Variants in KIRREL3 observed in about 807,000 individuals in gnomAD.
KIRREL3 encodes the protein kin of IRRE-like protein 3.
KIRREL3 carries 36 observed loss-of-function variants against 89.7 expected under a neutral mutation model. The ratio of observed to expected loss-of-function variants is 0.40; its 90% CI spans 0.31 to 0.53. The LOEUF (loss-of-function observed/expected upper bound fraction) is 0.53. Among genes scored for constraint, KIRREL3 ranks in the 20% least tolerant of loss-of-function variants. The probability of loss-of-function intolerance (pLI) is 0.49; values close to 1 mark genes in which losing one functional copy is unlikely to be tolerated. For synonymous variants in KIRREL3, 445 were observed against 441.4 expected, an observed-to-expected ratio of 1.01 and a Z score of -0.10; for missense variants, 864 against 1,056.6, an observed-to-expected ratio of 0.82 and a Z score of 2.53.
intron 1 of KIRREL3, among the ~76,000 whole-genome samples, chr11:126,756,360 T>C (rs1391040814): frequency 6.6e-6 from 1 of 152,224 alleles, no homozygotes; most frequent in Non-Finnish European, 1.5e-5. Context: ...AATGTCTTCA[T>C]TGTGTTGTAT....
chr11:126,822,581 A>T, intron 1 of KIRREL3, among the ~76,000 whole-genome samples: 1 of 152,184 alleles, frequency 6.6e-6, no homozygotes, highest in South Asian at 2.1e-4. Context: ...ACAACAAACT[A>T]CCCCAAAACT....
At chr11:126,649,029 G>A (rs1340660197) in intron 1 of KIRREL3, among the ~76,000 whole-genome samples, 1 of 152,138 alleles carries the variant, frequency 6.6e-6, no homozygotes, top group Non-Finnish European at 1.5e-5. Flanking sequence ...GAGGTGAAAG[G>A]CACTTCTTAA....
At chr11:126,539,502 G>A (rs905668840) in intron 2 of KIRREL3, among the ~76,000 whole-genome samples, 1 of 152,214 alleles carries the variant, frequency 6.6e-6, no homozygotes, top group East Asian at 1.9e-4. Flanking sequence ...TGATCAGCAA[G>A]GTTTTGCTGT....
intron 1 of KIRREL3, among the ~76,000 whole-genome samples, chr11:126,986,575 C>T (rs1212376940): frequency 1.3e-5 from 2 of 152,186 alleles, no homozygotes; most frequent in Non-Finnish European, 2.9e-5. Context: ...TATGACATTG[C>T]TTCCCTGGGT....
At position 126,459,329 on chromosome 11, in the gene KIRREL3, C is replaced by T. The variant is rs147870566; in HGVS notation, c.743-2875G>A. 3.3e-5 allele frequency among the ~76,000 whole-genome samples: 5 copies of T among 152,298 alleles called. No homozygotes were observed. In the East Asian group the frequency reaches 5.8e-4, roughly 18 times the overall value. On this transcript the variant is annotated intron_variant, in intron 6 of 16. Transcript: ENST00000525144. This position sits in a 1 kb window ranked among gnomAD's most constrained non-coding sequence, Gnocchi z 4.8. The stretch of plus-strand genomic sequence containing the variant: ...CTTCCTGCTGCCCGATGCCTCATCA[C>T]GCCCCTGCCATGATCAGCTCACTCG...
chr11:126,532,863 A>G lies in KIRREL3; in HGVS notation c.134-6176T>C, dbSNP rs977426500. Among the ~76,000 whole-genome samples the G allele has an allele frequency of 2.0e-4, 31 of 151,946 alleles. 2 individuals are homozygous for G. Among genetic ancestry groups the G allele is most frequent in the Non-Finnish European group, 1.5e-5 (1 of 68,008 alleles). On this transcript the variant is annotated intron_variant, in intron 2 of 16. Transcript: ENST00000525144. ...GGAGGTGTACTAGTTACCATTACTT[A>G]TAATTATTACTTAAAATGGCTATTT...
intron 11 of KIRREL3, among the ~76,000 whole-genome samples, chr11:126,437,847 C>T (rs1955417207): frequency 6.6e-6 from 1 of 152,172 alleles, no homozygotes; most frequent in African/African-American, 2.4e-5. Context: ...ATTCGCCATA[C>T]ACACCATCAT....
At chr11:126,529,484 G>C (rs548528858) in intron 2 of KIRREL3, among the ~76,000 whole-genome samples, 8 of 152,036 alleles carry the variant, frequency 5.3e-5, no homozygotes, top group Admixed American at 2.0e-4. Context: ...GGCCTTTTGA[G>C]GGGGAGCATC....
rs1480761643 is a variant in KIRREL3 at position 126,515,776 on chromosome 11, T to C, written c.433+5539A>G. 6.6e-6 allele frequency among the ~76,000 whole-genome samples: 1 copy of C among 152,134 alleles called. No homozygotes were observed. The highest frequency in any genetic ancestry group is 2.4e-5 in the African/African-American group (1 of 41,448). On this transcript the variant is annotated intron_variant, in intron 4 of 16. Coordinates refer to ENST00000525144, the MANE Select transcript of KIRREL3 (RefSeq NM_032531.4). This position sits in a 1 kb window ranked among gnomAD's most constrained non-coding sequence, Gnocchi z 4.2. ...GGCAGGGAGCTTGGGTTTTGTTCTG[T>C]GGGGACACTTTCTCGCCCCTGAAGA...
rs1487622812 is a variant in KIRREL3, at chr11:126,755,992, T to C, written c.56-193080A>G. On this transcript the variant is annotated intron_variant, in intron 1 of 16. Coordinates refer to ENST00000525144, the MANE Select transcript of KIRREL3 (RefSeq NM_032531.4). This position sits in a 1 kb window ranked among gnomAD's most constrained non-coding sequence, Gnocchi z 4.3. ...TATCTTGATATAAGAACAGGTATCA[T>C]TAATTGACTAGCAATGGAATGGGAG... Among the ~76,000 whole-genome samples, 1 of 152,190 alleles carries C rather than the reference T, an allele frequency of 6.6e-6. No homozygotes were observed. Among genetic ancestry groups the C allele is most frequent in the African/African-American group, 2.4e-5 (1 of 41,450 alleles).
rs1244418345 is a variant in KIRREL3, at chr11:126,424,791, C to T, written c.2126G>A (p.Arg709Gln). ...MGSSSIELCE[R>Q]EFQRGSLSDS... The stretch of plus-strand genomic sequence containing the variant: ...GCTGAGGGAGCCTCTCTGGAACTCC[C>T]GCTCACAAAGCTCGATGGACGAGCT... The change falls in exon 17 of 17, where the codon CGG becomes CAG. Residue 709 changes from arginine (R) to glutamine (Q), a missense_variant. By Grantham distance (43) the Arg-to-Gln change is conservative. Transcript: ENST00000525144. 12 of 1,613,938 alleles carry T rather than the reference C, an allele frequency of 7.4e-6. No homozygotes were observed. The highest frequency in any genetic ancestry group is 1.7e-5 in the Admixed American group (1 of 60,014).
In KIRREL3 at chr11:126,669,301, G is replaced by A. The variant is rs117576783; in HGVS notation, c.56-106389C>T. Among the ~76,000 whole-genome samples, 3 of 152,210 alleles carry A rather than the reference G, an allele frequency of 2.0e-5. No individual in the cohort carries two copies. Among genetic ancestry groups the A allele is most frequent in the East Asian group, 1.9e-4 (1 of 5,180 alleles). The stretch of plus-strand genomic sequence containing the variant: ...GCACTGAGTGAAGTTTTCCTTCAGC[G>A]TATTTCAAACACGTGCAAGATCTTC... On this transcript the variant is annotated intron_variant, in intron 1 of 16. Transcript: ENST00000525144. This position sits in a 1 kb window ranked among gnomAD's most constrained non-coding sequence, Gnocchi z 5.0.
rs1949977301 is a variant in KIRREL3, at chr11:126,989,949, A to C, written c.55+10506T>G. On this transcript the variant is annotated intron_variant, in intron 1 of 16. Transcript: ENST00000525144. This position sits in a 1 kb window ranked among gnomAD's most constrained non-coding sequence, Gnocchi z 6.2. ...CAGCCTGCCCAGGAGATCAGGAATA[A>C]TGAAGCCTCATTTTAGCATCTGTTT... Among the ~76,000 whole-genome samples, 1 of 152,230 alleles carries C rather than the reference A, an allele frequency of 6.6e-6. No homozygotes were observed.
chr11:126,735,409 T>C (rs1317058034), intron 1 of KIRREL3, among the ~76,000 whole-genome samples: 2 of 152,098 alleles, frequency 1.3e-5, no homozygotes, highest in African/African-American at 4.8e-5. Context: ...AAAGAGAGCT[T>C]CCACCGGCCC....
At chr11:126,774,164 C>CTTTTT (rs5795521) in intron 1 of KIRREL3, among the ~76,000 whole-genome samples, 238 of 137,138 alleles carry the variant, frequency 1.7e-3, no homozygotes, top group African/African-American at 6.2e-3. Context: ...GAGAGTAAAG[C>CTTTTT]TTTTTTTTTT....
chr11:126,683,454 C>G lies in KIRREL3; in HGVS notation c.56-120542G>C, dbSNP rs1340616331. On this transcript the variant is annotated intron_variant, in intron 1 of 16. Transcript: ENST00000525144. The surrounding 1 kb of genome is among the most constrained non-coding windows in gnomAD (Gnocchi z 5.2). ...TCTGAGAAATGGGTCTGGGCATCCA[C>G]TGCTTTCACCGAGGGTCTCTGCATG... 6.6e-6 allele frequency among the ~76,000 whole-genome samples: 1 copy of G among 152,220 alleles called. No individual in the cohort carries two copies. Among genetic ancestry groups the G allele is most frequent in the African/African-American group, 2.4e-5 (1 of 41,458 alleles).
intron 1 of KIRREL3, among the ~76,000 whole-genome samples, chr11:126,922,335 C>T (rs1947384196): frequency 6.6e-6 from 1 of 152,044 alleles, no homozygotes; most frequent in Non-Finnish European, 1.5e-5. Context: ...TGAATCAAAC[C>T]TTCTCCACTT....
rs760987273 is a variant in KIRREL3, at chr11:126,669,623, G to C, written c.56-106711C>G. On this transcript the variant is annotated intron_variant, in intron 1 of 16. Coordinates refer to ENST00000525144, the MANE Select transcript of KIRREL3 (RefSeq NM_032531.4). This position sits in a 1 kb window ranked among gnomAD's most constrained non-coding sequence, Gnocchi z 5.0. The stretch of plus-strand genomic sequence containing the variant: ...GGTTGACTCATTCAAGCCCTCCCAC[G>C]AGTCAGATTACCCAGTCAGCCAGTA... 3.3e-5 allele frequency among the ~76,000 whole-genome samples: 5 copies of C among 152,106 alleles called. No individual in the cohort carries two copies. The highest frequency in any genetic ancestry group is 1.2e-4 in the African/African-American group (5 of 41,406).
rs893255610 is a variant in KIRREL3, at chr11:126,744,612, G to A, written c.56-181700C>T. 2.0e-5 allele frequency among the ~76,000 whole-genome samples: 3 copies of A among 152,230 alleles called. No individual in the cohort carries two copies. The highest frequency in any genetic ancestry group is 7.2e-5 in the African/African-American group (3 of 41,468). The stretch of plus-strand genomic sequence containing the variant: ...ACAGACAGAGCCACTAAATGGGGCT[G>A]AGGAAAAGCACTCAGAGCCTTTCCA... On this transcript the variant is annotated intron_variant, in intron 1 of 16. Coordinates refer to ENST00000525144, the MANE Select transcript of KIRREL3 (RefSeq NM_032531.4). This position sits in a 1 kb window ranked among gnomAD's most constrained non-coding sequence, Gnocchi z 4.7.
Sources: gnomAD v4.1 joint callset for allele counts (sites outside exome capture counted in the v4.1 genomes callset) on GRCh38, gnomAD v4.1.1 for gene constraint, Gnocchi (gnomAD v3.1) non-coding constraint, MANE v1.5 for transcripts, NCBI Gene and HGNC (gene_info 2026-07-23, HGNC 2026-07-21) for gene names.